Variants in MYH9 observed in about 807,000 individuals in gnomAD.
MYH9 encodes the protein myosin heavy chain 9.
A neutral mutation model predicts 241.9 loss-of-function variants in MYH9; 29 were observed. That is an observed-to-expected ratio of 0.12 (90% CI 0.09 to 0.16). The LOEUF (loss-of-function observed/expected upper bound fraction) is 0.16. Ranked by LOEUF, MYH9 falls within the 10% of genes least tolerant of loss-of-function variation. The pLI, the probability that MYH9 is intolerant of heterozygous loss-of-function variation, is 1.00. For synonymous variants in MYH9, 1,047 were observed against 1,062.6 expected (o/e 0.99, Z 0.29); for missense variants, 1,803 against 2,595.5 (o/e 0.69, Z 6.63).
rs186195891 is a variant in MYH9, at chr22:36,305,326, C to T, written c.2160-224G>A. Among the ~76,000 whole-genome samples, 47 of 152,314 alleles carry T rather than the reference C, an allele frequency of 3.1e-4. No individual in the cohort carries two copies. The highest frequency in any genetic ancestry group is 4.4e-5 in the Non-Finnish European group (3 of 68,036). On this transcript the variant is annotated intron_variant, in intron 17 of 40. Coordinates refer to ENST00000216181, the MANE Select transcript of MYH9 (RefSeq NM_002473.6). This position sits in a 1 kb window ranked among gnomAD's most constrained non-coding sequence, Gnocchi z 4.7. ...GTTTTCCGGAAAGTGAATGGAAACTCGTGTAGGACCGTTTCAATCACTCAA... is the reference window on the plus strand; with the variant it reads ...GTTTTCCGGAAAGTGAATGGAAACTTGTGTAGGACCGTTTCAATCACTCAA...
chr22:36,317,640 A>C (rs2017179402), intron 11 of MYH9, among the ~76,000 whole-genome samples: 1 of 152,214 alleles, frequency 6.6e-6, no homozygotes, highest in Non-Finnish European at 1.5e-5. Flanking sequence ...CATGGCCAGC[A>C]CCATAAAAGA....
Position 36,282,072 on chromosome 22 carries a change from C to T in MYH9, c.*596G>A, listed in dbSNP as rs136200. 80,926 of 236,098 alleles carry T rather than the reference C, an allele frequency of 0.34. 16,772 individuals are homozygous for T. The highest frequency in any genetic ancestry group is 0.45 in the Non-Finnish European group (53,793 of 119,248). The allele number at this position is 236,098 out of a possible 1,614,324, so 14.6% of individuals were successfully genotyped here. ...GGACAGGGTGGGGAGGAATCCACTCCTCCCCCCACCCCAGCCTTCTGTGCC... is the reference window on the plus strand; with the variant it reads ...GGACAGGGTGGGGAGGAATCCACTCTTCCCCCCACCCCAGCCTTCTGTGCC... On this transcript the variant is annotated 3_prime_UTR_variant, in exon 41 of 41. Coordinates refer to ENST00000216181, the MANE Select transcript of MYH9 (RefSeq NM_002473.6).
chr22:36,361,338 G>A (rs2017932893), intron 1 of MYH9, among the ~76,000 whole-genome samples: 1 of 152,172 alleles, frequency 6.6e-6, no homozygotes, highest in Admixed American at 6.5e-5. Context: ...TTCTGCCTTT[G>A]CCTCCTTGAA....
At chr22:36,365,290 G>A (rs547818742) in intron 1 of MYH9, among the ~76,000 whole-genome samples, 1 of 152,186 alleles carries the variant, frequency 6.6e-6, no homozygotes, top group South Asian at 2.1e-4. Flanking sequence ...CCAGAATTTT[G>A]TTAAGCCCTT....
At position 36,320,921 on chromosome 22, in the gene MYH9, C is replaced by A; in HGVS notation, c.770-25G>T. On this transcript the variant is annotated intron_variant, in intron 7 of 40. Coordinates refer to ENST00000216181, the MANE Select transcript of MYH9 (RefSeq NM_002473.6). The surrounding 1 kb of genome is among the most constrained non-coding windows in gnomAD (Gnocchi z 4.8). ...TCTTTGCAAATATTAAGGAGCAACA[C>A]AAGCTGGGGAGAAGGCAAGCCCTCC... 1 of 1,595,400 alleles carries A rather than the reference C, an allele frequency of 6.3e-7. No homozygotes were observed. The highest frequency in any genetic ancestry group is 1.7e-5 in the Admixed American group (1 of 59,750).
In MYH9 at chr22:36,288,713, G is replaced by A; in HGVS notation, c.4770+14C>T. On this transcript the variant is annotated intron_variant, in intron 33 of 40. Coordinates refer to ENST00000216181, the MANE Select transcript of MYH9 (RefSeq NM_002473.6). This position sits in a 1 kb window ranked among gnomAD's most constrained non-coding sequence, Gnocchi z 4.8. ...GCCTTGGGCACCCATGGGGTAGCAG[G>A]AGGCCATGCACACCTGTCTGACCAG... is the stretch of plus-strand genomic sequence containing the variant. The A allele has an allele frequency of 6.2e-7, 1 of 1,601,068 alleles. No homozygotes were observed. Among genetic ancestry groups the A allele is most frequent in the Non-Finnish European group, 8.5e-7 (1 of 1,179,912 alleles).
At position 36,330,512 on chromosome 22, in the gene MYH9, C is replaced by T. The variant is rs551129894; in HGVS notation, c.491-3024G>A. 6.6e-6 allele frequency among the ~76,000 whole-genome samples: 1 copy of T among 152,140 alleles called. No individual in the cohort carries two copies. The highest frequency in any genetic ancestry group is 1.5e-5 in the Non-Finnish European group (1 of 68,020). ...ATTGTTTTGCCATCTTTCCACACAGCGGTTCTTCTGGATTTGTTCCTGATC... is the reference window on the plus strand; with the variant it reads ...ATTGTTTTGCCATCTTTCCACACAGTGGTTCTTCTGGATTTGTTCCTGATC... On this transcript the variant is annotated intron_variant, in intron 3 of 40. Transcript: ENST00000216181. The surrounding 1 kb of genome is among the most constrained non-coding windows in gnomAD (Gnocchi z 4.5).
Position 36,286,777 on chromosome 22 carries a change from C to A in MYH9, c.5002G>T (p.Ala1668Ser). The change falls in exon 35 of 41, where the codon GCC (alanine) becomes TCC (serine). Residue 1668 changes from alanine to serine, a missense_variant. Physicochemically the swap from Ala to Ser is moderately conservative, Grantham distance 99 (BLOSUM62 1). Transcript: ENST00000216181. ...RASREEILAQ[A>S]KENEKKLKSM... ...TTCAGCTTCTTCTCGTTCTCTTTGG[C>A]CTGGGCCAGGATCTCCTCACGAGAG... 6.2e-7 allele frequency: 1 copy of A among 1,613,026 alleles called. No individual in the cohort carries two copies. The highest frequency in any genetic ancestry group is 1.1e-5 in the South Asian group (1 of 91,088).
chr22:36,327,966 G>A (rs565689227), intron 3 of MYH9, among the ~76,000 whole-genome samples: 92 of 152,326 alleles, frequency 6.0e-4, no homozygotes, highest in South Asian at 6.0e-3. Flanking sequence ...GCCTGGCTTT[G>A]CAACGGGACA....
rs1224716781 is a variant in MYH9, at chr22:36,288,103, G to A, written c.4932+149C>T. ...CTCACCTCTGAGCCTCTGAGTCTCT[G>A]TCAGTGAGATGGGGCTGGAAGCACC... On this transcript the variant is annotated intron_variant, in intron 34 of 40. Coordinates refer to ENST00000216181, the MANE Select transcript of MYH9 (RefSeq NM_002473.6). The surrounding 1 kb of genome is among the most constrained non-coding windows in gnomAD (Gnocchi z 4.8). The A allele has an allele frequency of 2.3e-5, 21 of 920,838 alleles. No individual in the cohort carries two copies. In the Admixed American group the frequency reaches 3.9e-4, roughly 17 times the overall value. 57.0% of individuals were successfully genotyped at this position (920,838 alleles called of 1,614,324 possible). A position where few individuals can be genotyped will look rare whatever the true frequency, so the allele number is the denominator to read the frequency against.
At chr22:36,292,762 A>AC (rs1005531130) in intron 30 of MYH9, among the ~76,000 whole-genome samples, 30 of 152,188 alleles carry the variant, frequency 2.0e-4, no homozygotes. Flanking sequence ...TAGGCTACGG[A>AC]CCCCTTCGCA....
chr22:36,374,385 C>T (rs1603484581), intron 1 of MYH9, among the ~76,000 whole-genome samples: 2 of 152,176 alleles, frequency 1.3e-5, no homozygotes, highest in East Asian at 1.9e-4. Context: ...CCGGGCATGG[C>T]GGCACGCGCC....
chr22:36,304,200 C>T, intron 18 of MYH9, 45 bp from the exon 19 acceptor site: 3 of 1,605,362 alleles, frequency 1.9e-6, no homozygotes, highest in Non-Finnish European at 2.6e-6. Flanking sequence ...CAACTGGCCA[C>T]AGCTCCATGA....
intron 31 of MYH9, 42 bp downstream of exon 31, chr22:36,291,944 G>A (rs762633900): frequency 3.1e-6 from 5 of 1,613,298 alleles, no homozygotes; most frequent in Admixed American, 1.7e-5. Context: ...CTCAGTGCTT[G>A]AAGGAGAGGA....
Position 36,320,208 on chromosome 22 carries a change from C to G in MYH9, c.1012+12G>C, listed in dbSNP as rs771929165. ...TGCCCCACACTCGACCATAGGAGGG[C>G]CAGCCCTGTACCCATTTGCTCCTCT... On this transcript the variant is annotated intron_variant, in intron 9 of 40. Transcript: ENST00000216181. This position sits in a 1 kb window ranked among gnomAD's most constrained non-coding sequence, Gnocchi z 4.8. 5.0e-6 allele frequency: 8 copies of G among 1,614,022 alleles called. No individual in the cohort carries two copies. The African/African-American group carries it at 8.0e-5, about 16-fold the overall frequency.
intron 13 of MYH9, among the ~76,000 whole-genome samples, chr22:36,313,426 T>TG (rs1323797291): frequency 8.3e-6 from 1 of 120,538 alleles, no homozygotes; most frequent in African/African-American, 3.2e-5. Context: ...CACTCCAGCC[T>TG]GGGCGACAGA....
chr22:36,285,843 T>A lies in MYH9; in HGVS notation c.5150+22A>T. On this transcript the variant is annotated intron_variant, in intron 36 of 40. Coordinates refer to ENST00000216181, the MANE Select transcript of MYH9 (RefSeq NM_002473.6). The surrounding 1 kb of genome is among the most constrained non-coding windows in gnomAD (Gnocchi z 7.0). ...GGGGACACACCTGGTCCCCCCCAAC[T>A]CTGCCCCCTCACTCAGCTCACCCTT... 3.7e-6 allele frequency: 6 copies of A among 1,613,384 alleles called. No individual in the cohort carries two copies. Among genetic ancestry groups the A allele is most frequent in the Non-Finnish European group, 5.1e-6 (6 of 1,179,892 alleles).
chr22:36,285,106 G>A lies in MYH9; in HGVS notation c.5483+15C>T. 2 of 1,612,746 alleles carry A rather than the reference G, an allele frequency of 1.2e-6. No individual in the cohort carries two copies. The highest frequency in any genetic ancestry group is 1.7e-6 in the Non-Finnish European group (2 of 1,179,620). ...TCCAGGACAGCTGGGGTTGGGCGGG[G>A]CCAGGGGCACGTACTTGGTCTCGTT... On this transcript the variant is annotated intron_variant, in intron 38 of 40. Transcript: ENST00000216181. This position sits in a 1 kb window ranked among gnomAD's most constrained non-coding sequence, Gnocchi z 7.0.
intron 1 of MYH9, among the ~76,000 whole-genome samples, chr22:36,380,134 G>A (rs74470905): frequency 6.6e-6 from 1 of 152,146 alleles, no homozygotes; most frequent in Non-Finnish European, 1.5e-5. Flanking sequence ...CAGGAGGCCC[G>A]GAGGCTGCCT....
Sources: allele counts gnomAD v4.1 joint callset (sites outside exome capture counted in the v4.1 genomes callset), GRCh38; gene constraint gnomAD v4.1.1; non-coding constraint Gnocchi (gnomAD v3.1); transcripts MANE v1.5; gene names NCBI Gene and HGNC (gene_info 2026-07-23, HGNC 2026-07-21).